Variants in KAT6A observed in about 807,000 individuals in gnomAD.
KAT6A encodes the protein histone acetyltransferase KAT6A.
KAT6A carries 9 observed loss-of-function variants against 198.4 expected under a neutral mutation model. The observed-to-expected ratio is 0.05, with a 90% CI of 0.03 to 0.08. KAT6A has a LOEUF of 0.08. Among genes scored for constraint, KAT6A ranks in the 10% least tolerant of loss-of-function variants. The probability of loss-of-function intolerance (pLI) is 1.00; values close to 1 mark genes in which losing one functional copy is unlikely to be tolerated. For synonymous variants in KAT6A, 890 were observed against 883.0 expected (o/e 1.01, Z -0.14); for missense variants, 2,077 against 2,509.9 (o/e 0.83, Z 3.69).
intron 2 of KAT6A, among the ~76,000 whole-genome samples, chr8:42,033,076 T>C (rs888826466): frequency 6.6e-6 from 1 of 151,950 alleles, no homozygotes; most frequent in Non-Finnish European, 1.5e-5. Context: ...ACGTTCACCA[T>C]GTTGGCCAGG....
At chr8:41,977,705 A>G (rs1311023151) in intron 6 of KAT6A, among the ~76,000 whole-genome samples, 1 of 152,222 alleles carries the variant, frequency 6.6e-6, no homozygotes, top group Non-Finnish European at 1.5e-5. Context: ...ATAAAGTTCT[A>G]CTACACTGTG....
At chr8:41,978,554 T>A (rs1447878876) in intron 6 of KAT6A, 88 bp downstream of exon 6, 15 of 1,393,606 alleles carry the variant, frequency 1.1e-5, no homozygotes, top group African/African-American at 2.9e-5. Flanking sequence ...GACAATGGAA[T>A]TTTTTTCATA....
At chr8:42,001,402 A>C (rs1443933334) in intron 2 of KAT6A, among the ~76,000 whole-genome samples, 1 of 152,204 alleles carries the variant, frequency 6.6e-6, no homozygotes, top group Non-Finnish European at 1.5e-5. Context: ...AGGGTCAAGA[A>C]AGGTGGAAGG....
intron 2 of KAT6A, among the ~76,000 whole-genome samples, chr8:42,042,414 C>G (rs1285307035): frequency 6.6e-6 from 1 of 151,418 alleles, no homozygotes; most frequent in Non-Finnish European, 1.5e-5. Flanking sequence ...TGCACTCCAG[C>G]CTGGGCAACA....
chr8:42,045,336 G>A (rs1370778284), intron 2 of KAT6A, among the ~76,000 whole-genome samples: 9 of 152,062 alleles, frequency 5.9e-5, no homozygotes, highest in Non-Finnish European at 8.8e-5. Context: ...CAAGGTGGGC[G>A]GATCACCTGA....
chr8:42,004,169 G>A (rs1016310069), intron 2 of KAT6A, among the ~76,000 whole-genome samples: 1 of 152,004 alleles, frequency 6.6e-6, no homozygotes, highest in African/African-American at 2.4e-5. Flanking sequence ...CCTGCTGCTG[G>A]GTCTTATGAT....
At chr8:42,006,317 C>A (rs990799994) in intron 2 of KAT6A, among the ~76,000 whole-genome samples, 14 of 152,092 alleles carry the variant, frequency 9.2e-5, no homozygotes, top group Non-Finnish European at 2.9e-5. Context: ...CAAAACTGTA[C>A]CTGGAATGTA....
At chr8:42,010,921 C>A (rs1266570458) in intron 2 of KAT6A, among the ~76,000 whole-genome samples, 1 of 152,158 alleles carries the variant, frequency 6.6e-6, no homozygotes, top group Non-Finnish European at 1.5e-5. Flanking sequence ...ACACCAGCAA[C>A]CATGATCCCA....
At position 41,932,499 on chromosome 8, in the gene KAT6A, G is replaced by A. The variant is rs755556224; in HGVS notation, c.5721C>T (p.Pro1907=). The part of the protein sequence containing the change: ...MNMGVNLMPT[P]AYNVNSMNMN... ...TATTCATGGAATTGACATTATAGGC[G>A]GGAGTAGGCATCAGATTAACCCCCA... Residue 1907 remains proline, a synonymous_variant, in exon 17 of 17, where the codon CCC becomes CCT. Transcript: ENST00000265713. The A allele has an allele frequency of 4.3e-6, 7 of 1,614,120 alleles. No individual in the cohort carries two copies. The highest frequency in any genetic ancestry group is 2.2e-5 in the East Asian group (1 of 44,904).
chr8:41,970,370 C>T (rs893138077), intron 8 of KAT6A, among the ~76,000 whole-genome samples: 2 of 152,080 alleles, frequency 1.3e-5, no homozygotes, highest in Admixed American at 6.6e-5. Context: ...AGGATTAGCC[C>T]GATTACTGTC....
intron 2 of KAT6A, among the ~76,000 whole-genome samples, chr8:42,010,724 C>G (rs1825982021): frequency 6.6e-6 from 1 of 152,156 alleles, no homozygotes; most frequent in African/African-American, 2.4e-5. Flanking sequence ...AATCTTATGG[C>G]CCACACCTTC....
At chr8:41,973,308 C>G (rs532860632) in intron 8 of KAT6A, among the ~76,000 whole-genome samples, 1 of 151,978 alleles carries the variant, frequency 6.6e-6, no homozygotes, top group Non-Finnish European at 1.5e-5. Flanking sequence ...TCACTGCAAC[C>G]TCCACCTCCC....
chr8:42,043,523 A>G (rs1484174082), intron 2 of KAT6A: 3 of 152,240 alleles, frequency 2.0e-5, no homozygotes, highest in African/African-American at 7.2e-5. Context: ...CAGATATACA[A>G]AACTAGATTA....
intron 2 of KAT6A, among the ~76,000 whole-genome samples, chr8:41,995,464 A>G (rs1564052282): frequency 6.6e-6 from 1 of 152,184 alleles, no homozygotes; most frequent in Non-Finnish European, 1.5e-5. Context: ...AGGCAAACAC[A>G]GGGTGGATGA....
At chr8:41,983,399 A>C (rs1451562839) in intron 3 of KAT6A, among the ~76,000 whole-genome samples, 1 of 152,254 alleles carries the variant, frequency 6.6e-6, no homozygotes, top group Non-Finnish European at 1.5e-5. Flanking sequence ...TTTTTATGTT[A>C]GACTTTCCTG....
chr8:41,937,136 TC>T, intron 16 of KAT6A, 119 bp downstream of exon 16: 3 of 711,542 alleles, frequency 4.2e-6, no homozygotes, highest in Non-Finnish European at 7.0e-6. Context: ...TGCCAAACGT[TC>T]CTTTTCTTGC....
intron 2 of KAT6A, among the ~76,000 whole-genome samples, chr8:42,038,855 T>G (rs901415918): frequency 6.6e-6 from 1 of 152,200 alleles, no homozygotes; most frequent in Admixed American, 6.5e-5. Context: ...TTTAAATTGC[T>G]GACAGTTAAA....
chr8:41,960,316 A>C (rs1202169548), intron 8 of KAT6A, among the ~76,000 whole-genome samples: 2 of 152,138 alleles, frequency 1.3e-5, no homozygotes, highest in African/African-American at 4.8e-5. Flanking sequence ...GCAGTGGCTC[A>C]TGCCTGTAAT....
chr8:42,017,594 T>C (rs768647570), intron 2 of KAT6A, among the ~76,000 whole-genome samples: 11 of 152,110 alleles, frequency 7.2e-5, no homozygotes, highest in Non-Finnish European at 8.8e-5. Flanking sequence ...GAAATATATG[T>C]ATAAAAATGT....
Sources: gnomAD v4.1 joint callset for allele counts (sites outside exome capture counted in the v4.1 genomes callset) on GRCh38, gnomAD v4.1.1 for gene constraint, MANE v1.5 for transcripts, NCBI Gene and HGNC (gene_info 2026-07-23, HGNC 2026-07-21) for gene names.